The following NCKAP5 variants were observed in gnomAD, a reference collection of about 807,000 sequenced individuals.
The protein encoded by NCKAP5 is NCK associated protein 5, also known as nck-associated protein 5.
A neutral mutation model predicts 167.0 loss-of-function variants in NCKAP5; 92 were observed. The ratio of observed to expected loss-of-function variants is 0.55; its 90% CI spans 0.47 to 0.66. The LOEUF (loss-of-function observed/expected upper bound fraction) is 0.66, where lower values mean the gene tolerates loss of function less well. Among genes scored for constraint, NCKAP5 ranks in the 30% least tolerant of loss-of-function variants. NCKAP5 has a pLI of 0.00. For synonymous variants in NCKAP5, 891 were observed against 877.4 expected, an observed-to-expected ratio of 1.02 and a Z score of -0.27; for missense variants, 2,378 against 2,315.0, an observed-to-expected ratio of 1.03 and a Z score of -0.56.
rs528825718 is a variant in NCKAP5, at chr2:132,998,301, T to G, written c.342-4062A>C. On this transcript the variant is annotated intron_variant, in intron 6 of 19. Transcript: ENST00000409261. The stretch of plus-strand genomic sequence containing the variant: ...AATATCTATTCACCTTTCCCCCATT[T>G]TTCTTGGCTTTATACTTAAAAAATA... Among the ~76,000 whole-genome samples, 9 of 152,338 alleles carry G rather than the reference T, an allele frequency of 5.9e-5. No individual in the cohort carries two copies. In the South Asian group the frequency reaches 1.9e-3, roughly 32 times the overall value.
chr2:132,963,956 C>T (rs1402022218), intron 7 of NCKAP5, 87 bp from the exon 8 acceptor site: 19 of 1,445,644 alleles, frequency 1.3e-5, no homozygotes, highest in Admixed American at 1.8e-5. Context: ...AATCATTCTC[C>T]TGCGTGTGCA....
intron 6 of NCKAP5, among the ~76,000 whole-genome samples, chr2:133,050,409 G>A (rs915050428): frequency 6.6e-6 from 1 of 152,142 alleles, no homozygotes; most frequent in Admixed American, 6.6e-5. Flanking sequence ...TTTTATGTTA[G>A]GGGAGTTTAT....
chr2:133,334,864 T>A (rs968540076), intron 3 of NCKAP5, among the ~76,000 whole-genome samples: 1 of 152,204 alleles, frequency 6.6e-6, no homozygotes, highest in Non-Finnish European at 1.5e-5. Flanking sequence ...TAGATTTTTT[T>A]ATCTTGGTAA....
chr2:133,620,594 T>C, the NCKAP5 span, among the ~76,000 whole-genome samples: 2 of 152,056 alleles, frequency 1.3e-5, no homozygotes, highest in African/African-American at 4.8e-5. Context: ...TATATGCACC[T>C]AACACTGGAG....
At chr2:132,892,338 G>A (rs969235587) in intron 8 of NCKAP5, among the ~76,000 whole-genome samples, 1 of 152,034 alleles carries the variant, frequency 6.6e-6, no homozygotes, top group African/African-American at 2.4e-5. Context: ...GATACAACAC[G>A]TATTTTCCAA....
At chr2:132,773,069 T>C (rs979301833) in intron 16 of NCKAP5, among the ~76,000 whole-genome samples, 150 of 152,306 alleles carry the variant, frequency 9.8e-4, no homozygotes, top group African/African-American at 3.5e-3. Flanking sequence ...CTCAGTGTCT[T>C]GTGTCGAGCT....
At chr2:133,309,769 TGA>T (rs1405398690) in intron 3 of NCKAP5, among the ~76,000 whole-genome samples, 1 of 152,208 alleles carries the variant, frequency 6.6e-6, no homozygotes, top group African/African-American at 2.4e-5. Flanking sequence ...AGGTCAGTTC[TGA>T]GAGAGGCCCA....
intron 8 of NCKAP5, among the ~76,000 whole-genome samples, chr2:132,933,107 A>G (rs1205369625): frequency 6.6e-6 from 1 of 151,974 alleles, no homozygotes; most frequent in African/African-American, 2.4e-5. Context: ...TTGTATTTTT[A>G]GTAGAGACGG....
intron 4 of NCKAP5, among the ~76,000 whole-genome samples, chr2:133,288,987 A>G (rs1169120825): frequency 6.6e-6 from 1 of 152,206 alleles, no homozygotes; most frequent in African/African-American, 2.4e-5. Flanking sequence ...CCAATGGGAA[A>G]CTCAGGCCCA....
intron 3 of NCKAP5, among the ~76,000 whole-genome samples, chr2:133,435,094 C>G (rs1235797629): frequency 6.6e-6 from 1 of 152,188 alleles, no homozygotes; most frequent in African/African-American, 2.4e-5. Context: ...ATTACACCAT[C>G]TGGGATAGGT....
chr2:133,529,302 G>C (rs932790677), intron 2 of NCKAP5, among the ~76,000 whole-genome samples: 1 of 151,766 alleles, frequency 6.6e-6, no homozygotes, highest in African/African-American at 2.4e-5. Context: ...TTTTCTATTT[G>C]TTTACCTATA....
chr2:133,481,704 G>A (rs1347607112), intron 3 of NCKAP5, among the ~76,000 whole-genome samples: 1 of 152,112 alleles, frequency 6.6e-6, no homozygotes, highest in Non-Finnish European at 1.5e-5. Context: ...CTGTTCCTGT[G>A]TTAGTTTGCT....
At chr2:133,426,568 G>A (rs745708156) in intron 3 of NCKAP5, among the ~76,000 whole-genome samples, 26 of 152,012 alleles carry the variant, frequency 1.7e-4, no homozygotes, top group Non-Finnish European at 3.1e-4. Flanking sequence ...TGATGAACAT[G>A]GATGTAATAA....
At chr2:133,511,596 A>G (rs1313071962) in intron 3 of NCKAP5, among the ~76,000 whole-genome samples, 2 of 152,204 alleles carry the variant, frequency 1.3e-5, no homozygotes, top group East Asian at 1.9e-4. Flanking sequence ...AAGCTAGTCT[A>G]TTCCCCACCA....
chr2:133,281,615 G>C (rs2089938860), intron 4 of NCKAP5, among the ~76,000 whole-genome samples: 1 of 152,204 alleles, frequency 6.6e-6, no homozygotes, highest in Non-Finnish European at 1.5e-5. Flanking sequence ...ACCATCACAA[G>C]TTCTTAAAAG....
the NCKAP5 span, among the ~76,000 whole-genome samples, chr2:133,630,196 A>G: frequency 6.6e-6 from 1 of 152,250 alleles, no homozygotes; most frequent in Non-Finnish European, 1.5e-5. Flanking sequence ...GAAAGGAGCC[A>G]GTCATCAAAA....
At chr2:132,894,350 G>A (rs1214623207) in intron 8 of NCKAP5, among the ~76,000 whole-genome samples, 2 of 152,220 alleles carry the variant, frequency 1.3e-5, no homozygotes, top group African/African-American at 2.4e-5. Context: ...CCGCCAGGGC[G>A]ATAAGGTCTT....
chr2:133,223,022 A>G (rs529250209), intron 4 of NCKAP5, among the ~76,000 whole-genome samples: 2 of 152,230 alleles, frequency 1.3e-5, no homozygotes, highest in African/African-American at 4.8e-5. Flanking sequence ...AATTTCCAGG[A>G]ACACATTGAA....
At chr2:132,675,354 G>T (rs1573798885) in intron 19 of NCKAP5, among the ~76,000 whole-genome samples, 1 of 152,184 alleles carries the variant, frequency 6.6e-6, no homozygotes, top group African/African-American at 2.4e-5. Context: ...TTTCAGGACT[G>T]CAATAAGTAT....
Sources: allele counts gnomAD v4.1 joint callset (sites outside exome capture counted in the v4.1 genomes callset), GRCh38; gene constraint gnomAD v4.1.1; transcripts MANE v1.5; gene names NCBI Gene and HGNC (gene_info 2026-07-23, HGNC 2026-07-21).